The following STOX2 variants were observed in gnomAD, a reference collection of about 807,000 sequenced individuals.
The protein encoded by STOX2 is storkhead box 2, also known as storkhead-box protein 2.
A neutral mutation model predicts 60.9 loss-of-function variants in STOX2; 28 were observed. The observed-to-expected ratio is 0.46, with a 90% CI of 0.34 to 0.63. STOX2 has a LOEUF of 0.63. Ranked by LOEUF, STOX2 falls within the 30% of genes least tolerant of loss-of-function variation. The pLI, the probability that STOX2 is intolerant of heterozygous loss-of-function variation, is 0.01. For missense variants in STOX2, 1,024 were observed against 1,187.7 expected (o/e 0.86, Z 2.03); for synonymous variants, 472 against 463.9 (o/e 1.02, Z -0.22).
chr4:183,850,505 G>A (rs368434339), intron 1 of STOX2, among the ~76,000 whole-genome samples: 2 of 151,958 alleles, frequency 1.3e-5, no homozygotes, highest in Non-Finnish European at 2.9e-5. Flanking sequence ...GAGGCAGGTG[G>A]ATCACTTGAG....
chr4:183,862,491 G>A (rs1740471951), intron 1 of STOX2, among the ~76,000 whole-genome samples: 3 of 152,180 alleles, frequency 2.0e-5, no homozygotes, highest in Admixed American at 6.5e-5. Flanking sequence ...TAAAATACCC[G>A]AATGGGCCAG....
intron 1 of STOX2, among the ~76,000 whole-genome samples, chr4:183,935,237 G>T (rs1014131830): frequency 6.6e-6 from 1 of 152,212 alleles, no homozygotes; most frequent in African/African-American, 2.4e-5. Context: ...CACCCCATGC[G>T]TGCCCTGGAA....
intron 1 of STOX2, among the ~76,000 whole-genome samples, chr4:183,844,934 C>T (rs1157433243): frequency 1.3e-5 from 2 of 152,186 alleles, no homozygotes; most frequent in African/African-American, 2.4e-5. Context: ...GACATCATTA[C>T]ATCCTCATAA....
chr4:183,954,730 A>ATATT (rs975593104), intron 1 of STOX2, among the ~76,000 whole-genome samples: 11 of 151,818 alleles, frequency 7.2e-5, no homozygotes, highest in Non-Finnish European at 1.0e-4. Context: ...TTCCCCACCA[A>ATATT]TATTTATTTA....
intron 2 of STOX2, among the ~76,000 whole-genome samples, chr4:184,006,061 T>C (rs1037643657): frequency 6.6e-6 from 1 of 152,202 alleles, no homozygotes; most frequent in Non-Finnish European, 1.5e-5. Context: ...ATTGTAGTCA[T>C]AATTCTATAC....
chr4:183,960,412 C>G (rs1284325861), intron 1 of STOX2: 1 of 152,164 alleles, frequency 6.6e-6, no homozygotes, highest in African/African-American at 2.4e-5. Context: ...TTTACAGCTG[C>G]CTTTATTCAA....
At chr4:184,000,648 C>G (rs1040087721) in intron 1 of STOX2, among the ~76,000 whole-genome samples, 1 of 152,210 alleles carries the variant, frequency 6.6e-6, no homozygotes, top group Non-Finnish European at 1.5e-5. Context: ...CACACCTACT[C>G]TTGAACACTG....
chr4:183,861,657 G>C (rs1020074580), intron 1 of STOX2, among the ~76,000 whole-genome samples: 2 of 152,152 alleles, frequency 1.3e-5, no homozygotes, highest in African/African-American at 2.4e-5. Context: ...CTGTAAAATG[G>C]GTTGTGGTGA....
upstream of STOX2, among the ~76,000 whole-genome samples, chr4:183,901,786 G>T (rs939734981): frequency 1.3e-5 from 2 of 151,704 alleles, no homozygotes; most frequent in African/African-American, 4.8e-5. Context: ...CTAGTTGTTT[G>T]TTTTTTTGTT....
Position 183,876,448 on chromosome 4 carries a change from C to T in STOX2, c.364+78393C>T, listed in dbSNP as rs141900101. ...ATAAGTGGATGACGTAAGTGGATGA[C>T]GGATAGGCTTCTTGGTATTCCTTGT... On this transcript the variant is annotated intron_variant, in intron 1 of 2. Coordinates refer to the STOX2 transcript ENST00000513034. Among the ~76,000 whole-genome samples, 12 of 152,304 alleles carry T rather than the reference C, an allele frequency of 7.9e-5. No homozygotes were observed. The East Asian group carries it at 1.5e-3, about 20-fold the overall frequency.
intron 1 of STOX2, among the ~76,000 whole-genome samples, chr4:183,941,698 C>G (rs1459244613): frequency 1.3e-5 from 2 of 152,176 alleles, no homozygotes; most frequent in African/African-American, 4.8e-5. Context: ...TAACACGTGC[C>G]TGGCACACAG....
At chr4:183,968,552 C>T (rs1743646947) in intron 1 of STOX2, among the ~76,000 whole-genome samples, 1 of 152,150 alleles carries the variant, frequency 6.6e-6, no homozygotes, top group Non-Finnish European at 1.5e-5. Context: ...AGTACTGGTC[C>T]AGCTGTTGTC....
chr4:183,965,737 G>T (rs541083392), intron 1 of STOX2, among the ~76,000 whole-genome samples: 12 of 152,194 alleles, frequency 7.9e-5, no homozygotes, highest in African/African-American at 2.6e-4. Flanking sequence ...GGCGGGGGTT[G>T]TGGGGGGCGG....
At chr4:183,887,179 G>A (rs933170938) in intron 1 of STOX2, among the ~76,000 whole-genome samples, 18 of 152,048 alleles carry the variant, frequency 1.2e-4, no homozygotes, top group African/African-American at 3.4e-4. Context: ...CAGGAGAATC[G>A]CTTGAACCCG....
At chr4:183,803,089 C>T (rs1273586442) in intron 1 of STOX2, among the ~76,000 whole-genome samples, 1 of 152,156 alleles carries the variant, frequency 6.6e-6, no homozygotes, top group African/African-American at 2.4e-5. Flanking sequence ...TGGCAGCAGG[C>T]AAAGAGAGCT....
At chr4:183,952,402 G>A (rs2111148386) in intron 1 of STOX2, among the ~76,000 whole-genome samples, 1 of 152,312 alleles carries the variant, frequency 6.6e-6, no homozygotes, top group African/African-American at 2.4e-5. Flanking sequence ...ACTCAACTAT[G>A]TGATTCTTGT....
chr4:183,930,609 C>T (rs1282835602), intron 1 of STOX2, among the ~76,000 whole-genome samples: 1 of 152,070 alleles, frequency 6.6e-6, no homozygotes, highest in Non-Finnish European at 1.5e-5. Flanking sequence ...CCTCCTGCCT[C>T]AGCCTCCCAA....
intron 1 of STOX2, among the ~76,000 whole-genome samples, chr4:183,820,892 T>A (rs1210659769): frequency 2.0e-5 from 3 of 152,026 alleles, no homozygotes; most frequent in Non-Finnish European, 1.5e-5. Flanking sequence ...GAAGGATCGC[T>A]TGAGCTCAGG....
At chr4:183,973,239 C>A (rs1282837229) in intron 1 of STOX2, among the ~76,000 whole-genome samples, 1 of 152,108 alleles carries the variant, frequency 6.6e-6, no homozygotes, top group Admixed American at 6.5e-5. Flanking sequence ...CAAACCTAAA[C>A]AGGCTAAAAT....
Sources: gnomAD v4.1 joint callset for allele counts (sites outside exome capture counted in the v4.1 genomes callset) on GRCh38, gnomAD v4.1.1 for gene constraint, MANE v1.5 for transcripts, NCBI Gene and HGNC (gene_info 2026-07-23, HGNC 2026-07-21) for gene names.